ITGB4: variants seen among roughly 807,000 people sequenced by gnomAD.
ITGB4 encodes integrin subunit beta 4.
A neutral mutation model predicts 207.6 loss-of-function variants in ITGB4; 159 were observed. That is an observed-to-expected ratio of 0.77 (90% CI 0.67 to 0.87). ITGB4 has a LOEUF of 0.87. Among genes scored for constraint, ITGB4 ranks in the 40% least tolerant of loss-of-function variants. The probability of loss-of-function intolerance (pLI) is 0.00; values close to 1 mark genes in which losing one functional copy is unlikely to be tolerated. For synonymous variants in ITGB4, 1,020 were observed against 1,062.7 expected (o/e 0.96, Z 0.78); for missense variants, 2,278 against 2,546.8 (o/e 0.89, Z 2.27).
At chr17:75,753,645 C>G (rs572047233) in intron 32 of ITGB4, 120 bp from the exon 33 acceptor site, 6 of 624,572 alleles carry the variant, frequency 9.6e-6, no homozygotes, top group African/African-American at 1.9e-5. Flanking sequence ...CAACACACAC[C>G]CCGGGATCCC....
Position 75,732,106 on chromosome 17 carries a change from C to A in ITGB4, c.1378-57C>A. ...GAGGCACACAGGAGAGCGGAAGTGTCCAGTGGCCCCGGTCCTGCTCCCCCG... is the reference window on the plus strand; with the variant it reads ...GAGGCACACAGGAGAGCGGAAGTGTACAGTGGCCCCGGTCCTGCTCCCCCG... On this transcript the variant is annotated intron_variant, in intron 11 of 39. Transcript: ENST00000200181. The surrounding 1 kb of genome is among the most constrained non-coding windows in gnomAD (Gnocchi z 5.3). 2 of 1,607,118 alleles carry A rather than the reference C, an allele frequency of 1.2e-6. No homozygotes were observed. Among genetic ancestry groups the A allele is most frequent in the South Asian group, 2.2e-5 (2 of 90,878 alleles).
At chr17:75,755,326 AC>A (rs2061471769) in intron 34 of ITGB4, 4 of 1,164,298 alleles carry the variant, frequency 3.4e-6, no homozygotes, top group Non-Finnish European at 3.6e-6. Flanking sequence ...CATCCACAGG[AC>A]CCCCGCCTGC....
At chr17:75,728,289 C>G in intron 5 of ITGB4, 88 bp from the exon 6 acceptor site, 1 of 1,058,828 alleles carries the variant, frequency 9.4e-7, no homozygotes, top group East Asian at 2.4e-5. Flanking sequence ...CCCTCTTCCT[C>G]CCTTCTGAGC....
At chr17:75,723,393 T>A (rs1340057759) in intron 1 of ITGB4, among the ~76,000 whole-genome samples, 2 of 152,204 alleles carry the variant, frequency 1.3e-5, no homozygotes, top group Non-Finnish European at 2.9e-5. Flanking sequence ...GGCCTGTACC[T>A]GCCTGTGTAA....
intron 12 of ITGB4, among the ~76,000 whole-genome samples, chr17:75,733,062 G>A (rs892374971): frequency 6.6e-6 from 1 of 151,636 alleles, no homozygotes; most frequent in Non-Finnish European, 1.5e-5. Flanking sequence ...TCCAGCCTGG[G>A]CAAGAAGAGC....
Position 75,740,690 on chromosome 17 carries a change from G to A in ITGB4, c.2551-103G>A, listed in dbSNP as rs538838679. ...CGGGGCATGCCCCAGCCAACCCTGA[G>A]GATCTCTGGGTACAGAGGCTGCCTG... On this transcript the variant is annotated intron_variant, in intron 21 of 39. Coordinates refer to ENST00000200181, the MANE Select transcript of ITGB4 (RefSeq NM_000213.5). The surrounding 1 kb of genome is among the most constrained non-coding windows in gnomAD (Gnocchi z 5.9). The A allele has an allele frequency of 1.5e-6, 2 of 1,340,462 alleles. No individual in the cohort carries two copies. Among genetic ancestry groups the A allele is most frequent in the South Asian group, 1.2e-5 (1 of 85,002 alleles). The allele number at this position is 1,340,462 out of a possible 1,614,324, so 83.0% of individuals were successfully genotyped here.
chr17:75,756,071 A>G (rs1217144280), intron 35 of ITGB4, among the ~76,000 whole-genome samples: 1 of 152,040 alleles, frequency 6.6e-6, no homozygotes, highest in African/African-American at 2.4e-5. Context: ...TCTCCTGGTC[A>G]TTCTCTGCTA....
chr17:75,729,158 CAAAAA>C lies in ITGB4; in HGVS notation c.567-94_567-90del. 1.0e-5 allele frequency: 8 copies of C among 788,438 alleles called. No homozygotes were observed. The highest frequency in any genetic ancestry group is 6.2e-5 in the East Asian group (2 of 32,412). The allele number at this position is 788,438 out of a possible 1,614,324, so 48.8% of individuals were successfully genotyped here. On this transcript the variant is annotated intron_variant, in intron 6 of 39. Coordinates refer to ENST00000200181, the MANE Select transcript of ITGB4 (RefSeq NM_000213.5). The surrounding 1 kb of genome is among the most constrained non-coding windows in gnomAD (Gnocchi z 4.4). ...TGGGTGATAAAGCGAGACTTGGTCT[CAAAAA>C]AAAAAAAAAAAATTCTCCTTCTAGT...
At position 75,737,435 on chromosome 17, in the gene ITGB4, A is replaced by C. The variant is rs2061003802; in HGVS notation, c.2104A>C (p.Lys702Gln). The change falls in exon 17 of 40, where the codon AAG becomes CAG. Residue 702 changes from lysine (K) to glutamine (Q), a missense_variant. Lys to Gln is a moderately conservative substitution (Grantham distance 53). Coordinates refer to ENST00000200181, the MANE Select transcript of ITGB4 (RefSeq NM_000213.5). ...PGPNSTVLVH[K>Q]KKDCPPGSFW... ...GCCCAACAGCACTGTCCTGGTGCACAAGAAGAAGGGTGAGCTGGTGGGGCC... is the reference window on the plus strand; with the variant it reads ...GCCCAACAGCACTGTCCTGGTGCACCAGAAGAAGGGTGAGCTGGTGGGGCC... 1.3e-6 allele frequency: 2 copies of C among 1,555,182 alleles called. No individual in the cohort carries two copies. Among genetic ancestry groups the C allele is most frequent in the Non-Finnish European group, 1.7e-6 (2 of 1,149,162 alleles).
Position 75,731,075 on chromosome 17 carries a change from A to G in ITGB4, c.1092+111A>G. ...CGGTGGAGAAATGGGTCTGGGACAG[A>G]CCAGTGAGGAAGGGTCTCTAGCTAT... On this transcript the variant is annotated intron_variant, in intron 9 of 39. Transcript: ENST00000200181. This position sits in a 1 kb window ranked among gnomAD's most constrained non-coding sequence, Gnocchi z 6.8. 7.1e-7 allele frequency: 1 copy of G among 1,408,112 alleles called. No homozygotes were observed. Among genetic ancestry groups the G allele is most frequent in the Non-Finnish European group, 9.9e-7 (1 of 1,005,642 alleles). 87.2% of individuals were successfully genotyped at this position (1,408,112 alleles called of 1,614,324 possible). A position where few individuals can be genotyped will look rare whatever the true frequency, so the allele number is the denominator to read the frequency against.
chr17:75,723,985 T>C (rs1017509237), intron 1 of ITGB4, among the ~76,000 whole-genome samples: 1 of 152,218 alleles, frequency 6.6e-6, no homozygotes, highest in Non-Finnish European at 1.5e-5. Context: ...TGGGGACGCC[T>C]TGAGGGGAGC....
intron 2 of ITGB4, among the ~76,000 whole-genome samples, chr17:75,726,706 T>G (rs1232177130): frequency 6.6e-6 from 1 of 152,154 alleles, no homozygotes; most frequent in Non-Finnish European, 1.5e-5. Context: ...CACTCCAGCC[T>G]GGGCAACAGA....
chr17:75,738,417 G>A (rs746501318), intron 18 of ITGB4, among the ~76,000 whole-genome samples: 2 of 152,224 alleles, frequency 1.3e-5, no homozygotes, highest in Non-Finnish European at 2.9e-5. Flanking sequence ...ACCCCATGAG[G>A]TCAGTGGGGC....
At position 75,755,862 on chromosome 17, in the gene ITGB4, TGGCTGCCA is replaced by T. The variant is rs2143516777; in HGVS notation, c.4708+19_4708+26del. The T allele has an allele frequency of 6.2e-7, 1 of 1,600,438 alleles. No individual in the cohort carries two copies. Among genetic ancestry groups the T allele is most frequent in the Non-Finnish European group, 8.5e-7 (1 of 1,179,336 alleles). On this transcript the variant is annotated intron_variant, in intron 35 of 39. Transcript: ENST00000200181. ...GCTGCTGAACGGCGGTGAGGCATGG[TGGCTGCCA>T]GGCTGCGGGGTGCAGCCCTGCAAGG...
Position 75,732,567 on chromosome 17 carries a change from G to A in ITGB4, c.1454+328G>A, listed in dbSNP as rs1227867206. On this transcript the variant is annotated intron_variant, in intron 12 of 39. Coordinates refer to ENST00000200181, the MANE Select transcript of ITGB4 (RefSeq NM_000213.5). The surrounding 1 kb of genome is among the most constrained non-coding windows in gnomAD (Gnocchi z 5.3). Reference sequence around the variant, plus strand: ...ATGCCTTTGGTATTCTGAGTCCTGTGTCATATTGCCTGATCAGAAGAGAGC... The same window carrying A: ...ATGCCTTTGGTATTCTGAGTCCTGTATCATATTGCCTGATCAGAAGAGAGC... Among the ~76,000 whole-genome samples, 1 of 152,158 alleles carries A rather than the reference G, an allele frequency of 6.6e-6. No homozygotes were observed. Among genetic ancestry groups the A allele is most frequent in the Non-Finnish European group, 1.5e-5 (1 of 68,034 alleles).
chr17:75,754,998 G>A (rs1285126511), intron 34 of ITGB4, 183 bp downstream of exon 34: 37 of 1,562,098 alleles, frequency 2.4e-5, no homozygotes, highest in South Asian at 8.0e-5. Flanking sequence ...ATGCGCACAC[G>A]TACACACATG....
intron 13 of ITGB4, among the ~76,000 whole-genome samples, chr17:75,734,127 GTTTTTTTTTTTT>G (rs58249158): frequency 2.6e-5 from 2 of 76,058 alleles, no homozygotes; most frequent in Admixed American, 1.5e-4. Context: ...TGTTGCTGCT[GTTTTTTTTTTTT>G]TTTTTTTTTT....
intron 32 of ITGB4, 53 bp from the exon 33 acceptor site, chr17:75,753,712 G>A: frequency 2.4e-6 from 3 of 1,256,436 alleles, no homozygotes; most frequent in South Asian, 2.3e-5. Context: ...GCCTGGCCCT[G>A]CTCGGCCCGG....
At chr17:75,749,110 G>T (rs1480554185) in intron 27 of ITGB4, 65 bp downstream of exon 27, 1 of 1,346,228 alleles carries the variant, frequency 7.4e-7, no homozygotes, top group Non-Finnish European at 1.0e-6. Flanking sequence ...CTCTCAACTA[G>T]GTCTGTCAGA....
Sources: allele counts gnomAD v4.1 joint callset (sites outside exome capture counted in the v4.1 genomes callset), GRCh38; gene constraint gnomAD v4.1.1; non-coding constraint Gnocchi (gnomAD v3.1); transcripts MANE v1.5; gene names NCBI Gene and HGNC (gene_info 2026-07-23, HGNC 2026-07-21).